Variants in ROBO2 observed in about 807,000 individuals in gnomAD.
ROBO2 encodes the protein roundabout guidance receptor 2, also known as roundabout homolog 2.
A neutral mutation model predicts 160.8 loss-of-function variants in ROBO2; 53 were observed. The observed-to-expected ratio is 0.33, with a 90% CI of 0.26 to 0.41. The LOEUF is 0.41. Among genes scored for constraint, ROBO2 ranks in the 10% least tolerant of loss-of-function variants. The pLI is 1.00. For missense variants in ROBO2, 1,577 were observed against 1,722.4 expected, an observed-to-expected ratio of 0.92 and a Z score of 1.49; for synonymous variants, 664 against 611.7, an observed-to-expected ratio of 1.09 and a Z score of -1.26.
intron 2 of ROBO2, among the ~76,000 whole-genome samples, chr3:76,104,062 A>G (rs1008399456): frequency 6.6e-6 from 1 of 152,204 alleles, no homozygotes; most frequent in Non-Finnish European, 1.5e-5. Context: ...CGACATCCAG[A>G]GAACTGTCTT....
intron 8 of ROBO2, among the ~76,000 whole-genome samples, chr3:77,551,294 T>TTA (rs1559596472): frequency 6.6e-6 from 1 of 151,716 alleles, no homozygotes; most frequent in African/African-American, 2.4e-5. Context: ...TTTTATTTAG[T>TTA]CTTAGGCTGA....
Position 77,571,682 on chromosome 3 carries a change from A to T in ROBO2, c.1972-2817A>T, listed in dbSNP as rs111987559. ...TATAAACCCATGAATCTGTGGTCAG[A>T]CTCTGATTGTAATCAACTCTAAAAG... On this transcript the variant is annotated intron_variant, in intron 13 of 25. Transcript: ENST00000461745. 9.0e-3 allele frequency among the ~76,000 whole-genome samples: 1,368 copies of T among 152,076 alleles called. 23 individuals carry two copies. Among genetic ancestry groups the T allele is most frequent in the African/African-American group, 0.032 (1,312 of 41,528 alleles).
At chr3:77,573,995 A>C (rs2093700961) in intron 13 of ROBO2, among the ~76,000 whole-genome samples, 1 of 152,030 alleles carries the variant, frequency 6.6e-6, no homozygotes, top group Non-Finnish European at 1.5e-5. Context: ...AGAGCTCAGC[A>C]GAATTTCTGG....
chr3:77,584,963 T>C (rs1441313769), intron 16 of ROBO2, among the ~76,000 whole-genome samples: 1 of 147,606 alleles, frequency 6.8e-6, no homozygotes, highest in Non-Finnish European at 1.5e-5. Flanking sequence ...CACATATATA[T>C]ACACACATAT....
At chr3:76,554,829 G>C (rs150446372) in intron 2 of ROBO2, among the ~76,000 whole-genome samples, 115 of 152,132 alleles carry the variant, frequency 7.6e-4, no homozygotes, top group Non-Finnish European at 1.2e-3. Flanking sequence ...GAATGGTTTA[G>C]CTGCTTTCAT....
At chr3:76,278,226 C>G (rs1047308972) in intron 2 of ROBO2, among the ~76,000 whole-genome samples, 6 of 151,792 alleles carry the variant, frequency 4.0e-5, no homozygotes, top group African/African-American at 1.5e-4. Flanking sequence ...ATTATGATTG[C>G]CTTGAGATAT....
chr3:76,833,076 G>A (rs1280191195), intron 2 of ROBO2, among the ~76,000 whole-genome samples: 2 of 152,116 alleles, frequency 1.3e-5, no homozygotes. Flanking sequence ...CTTGGCCAAA[G>A]TCAGTTTCAA....
chr3:77,119,769 C>A (rs112899026), intron 2 of ROBO2, among the ~76,000 whole-genome samples: 1,570 of 152,302 alleles, frequency 0.01, 13 homozygotes, highest in Middle Eastern at 0.044. Flanking sequence ...AAATACATAG[C>A]TATCCATTTT....
At chr3:77,225,451 G>C (rs2086366032) in intron 2 of ROBO2, among the ~76,000 whole-genome samples, 1 of 151,712 alleles carries the variant, frequency 6.6e-6, no homozygotes, top group African/African-American at 2.4e-5. Flanking sequence ...GAGAAAGCTT[G>C]TCTTCAACAA....
chr3:76,061,547 G>A (rs567544466), intron 2 of ROBO2, among the ~76,000 whole-genome samples: 1 of 152,112 alleles, frequency 6.6e-6, no homozygotes, highest in Non-Finnish European at 1.5e-5. Flanking sequence ...GTAGAGACGT[G>A]TTCTGTTGAA....
chr3:77,239,254 G>A (rs2088580612), intron 2 of ROBO2, among the ~76,000 whole-genome samples: 1 of 152,154 alleles, frequency 6.6e-6, no homozygotes. Context: ...GCTGACTTCA[G>A]GAGTGAAGCT....
At chr3:76,534,263 G>C (rs1202955159) in intron 2 of ROBO2, among the ~76,000 whole-genome samples, 1 of 152,040 alleles carries the variant, frequency 6.6e-6, no homozygotes, top group East Asian at 1.9e-4. Context: ...AAAAGTGCCA[G>C]GTAGCACATT....
chr3:77,544,600 A>C (rs2092622790), intron 6 of ROBO2, among the ~76,000 whole-genome samples: 1 of 152,092 alleles, frequency 6.6e-6, no homozygotes, highest in African/African-American at 2.4e-5. Flanking sequence ...GTAAGGATGA[A>C]GAATTGGTTG....
At chr3:75,924,312 G>A (rs1037565268) in intron 1 of ROBO2, among the ~76,000 whole-genome samples, 5 of 152,088 alleles carry the variant, frequency 3.3e-5, no homozygotes, top group African/African-American at 1.2e-4. Context: ...CAGGAAGGCC[G>A]AAAGACCAGA....
intron 2 of ROBO2, among the ~76,000 whole-genome samples, chr3:77,022,391 AAATG>A (rs2062693589): frequency 6.6e-6 from 1 of 152,214 alleles, no homozygotes; most frequent in Admixed American, 6.5e-5. Context: ...ACAAACAAGC[AAATG>A]AACAAATAAA....
rs139559488 is a variant in ROBO2 at position 77,536,354 on chromosome 3, A to G, written c.935-9984A>G. ...CTTCCTTCCTTTCCAACTTAATCTAAAAGAACAAATCAAATTTGTTTCTCT... is the reference window on the plus strand; with the variant it reads ...CTTCCTTCCTTTCCAACTTAATCTAGAAGAACAAATCAAATTTGTTTCTCT... On this transcript the variant is annotated intron_variant, in intron 6 of 25. Coordinates refer to ENST00000461745, the Ensembl canonical transcript of ROBO2. Among the ~76,000 whole-genome samples, 866 of 151,934 alleles carry G rather than the reference A, an allele frequency of 5.7e-3. 8 individuals carry two copies. The highest frequency in any genetic ancestry group is 0.02 in the African/African-American group (812 of 41,466).
chr3:76,503,023 C>T (rs201212194), intron 2 of ROBO2, among the ~76,000 whole-genome samples: 2,504 of 96,232 alleles, frequency 0.026, 47 homozygotes, highest in African/African-American at 0.063. Context: ...TGTGTGTGCG[C>T]GCGCACGCAT....
intron 2 of ROBO2, among the ~76,000 whole-genome samples, chr3:77,286,257 T>C (rs1440918861): frequency 1.1e-5 from 1 of 90,622 alleles, no homozygotes; most frequent in African/African-American, 6.4e-5. Flanking sequence ...ATTATGGAGC[T>C]TTTTTTTTTT....
intron 2 of ROBO2, among the ~76,000 whole-genome samples, chr3:76,005,848 G>A (rs528229575): frequency 6.6e-5 from 10 of 152,278 alleles, no homozygotes; most frequent in African/African-American, 2.4e-4. Flanking sequence ...GTAAGGCATT[G>A]TTTGATGACA....
Sources: gnomAD v4.1 joint callset for allele counts (sites outside exome capture counted in the v4.1 genomes callset) on GRCh38, gnomAD v4.1.1 for gene constraint, MANE v1.5 for transcripts, NCBI Gene and HGNC (gene_info 2026-07-23, HGNC 2026-07-21) for gene names.